ZDHHC14: variants seen among roughly 807,000 people sequenced by gnomAD.
ZDHHC14 encodes zDHHC palmitoyltransferase 14.
ZDHHC14 carries 16 observed loss-of-function variants against 47.7 expected under a neutral mutation model. The observed-to-expected ratio is 0.34, with a 90% confidence interval of 0.23 to 0.51. The LOEUF (loss-of-function observed/expected upper bound fraction) is 0.51. Among genes scored for constraint, ZDHHC14 ranks in the 20% least tolerant of loss-of-function variants. The pLI is 0.97. For synonymous variants in ZDHHC14, 293 were observed against 278.9 expected, an observed-to-expected ratio of 1.05 and a Z score of -0.50; for missense variants, 515 against 662.5, an observed-to-expected ratio of 0.78 and a Z score of 2.44.
At chr6:157,602,489 CA>C (rs552594669) in intron 3 of ZDHHC14, among the ~76,000 whole-genome samples, 405 of 60,592 alleles carry the variant, frequency 6.7e-3, no homozygotes, top group East Asian at 0.021. Flanking sequence ...GACTCCGTTT[CA>C]AAAAAAAAAA....
chr6:157,642,181 G>A (rs1282908125), intron 5 of ZDHHC14, among the ~76,000 whole-genome samples: 3 of 152,136 alleles, frequency 2.0e-5, no homozygotes, highest in Admixed American at 6.6e-5. Context: ...TCTGGAATCC[G>A]GGAATTCTGG....
intron 1 of ZDHHC14, among the ~76,000 whole-genome samples, chr6:157,540,908 G>GTATATATA (rs1200618040): frequency 2.4e-4 from 32 of 131,520 alleles, no homozygotes; most frequent in African/African-American, 1.1e-3. Context: ...GTGTGTGTGT[G>GTATATATA]TGTATATATA....
At chr6:157,482,512 C>T (rs1399432740) in intron 1 of ZDHHC14, among the ~76,000 whole-genome samples, 2 of 151,880 alleles carry the variant, frequency 1.3e-5, no homozygotes, top group African/African-American at 4.8e-5. Flanking sequence ...CCTTGGCCTC[C>T]GAAAGTGCTG....
intron 3 of ZDHHC14, among the ~76,000 whole-genome samples, chr6:157,606,230 C>A (rs1039619511): frequency 6.6e-6 from 1 of 151,978 alleles, no homozygotes; most frequent in Admixed American, 6.6e-5. Flanking sequence ...TTTGGGAGGC[C>A]GAGGTGGGTG....
intron 7 of ZDHHC14, among the ~76,000 whole-genome samples, chr6:157,651,938 G>T (rs1221831929): frequency 6.6e-6 from 1 of 152,128 alleles, no homozygotes; most frequent in African/African-American, 2.4e-5. Flanking sequence ...CCAACCCCAG[G>T]TCCCAGCCCC....
rs768087798 is a variant in ZDHHC14, at chr6:157,673,014, G to A, written c.1359G>A (p.Ala453=). The A allele has an allele frequency of 1.4e-5, 22 of 1,571,252 alleles. No individual in the cohort carries two copies. Among genetic ancestry groups the A allele is most frequent in the Middle Eastern group, 2.0e-4 (1 of 4,944 alleles). The change falls in exon 9 of 9, where the codon GCG becomes GCA. Residue 453 remains alanine (A), a synonymous_variant. Transcript: ENST00000359775. This position sits in a 1 kb window ranked among gnomAD's most constrained non-coding sequence, Gnocchi z 5.4. ...EAPSPPRLLA[A]GSPLAHSRTM... ...CCTCGCCCCCCAGGCTACTGGCGGC[G>A]GGCAGCCCCCTGGCGCACAGCCGCA...
chr6:157,423,981 C>A (rs545130101), intron 1 of ZDHHC14, among the ~76,000 whole-genome samples: 2 of 152,218 alleles, frequency 1.3e-5, no homozygotes, highest in African/African-American at 4.8e-5. Context: ...GCCTGGCAGG[C>A]GCTTGAGGTA....
chr6:157,515,441 CTTTCTT>C (rs1554262640), intron 1 of ZDHHC14, among the ~76,000 whole-genome samples: 4 of 148,058 alleles, frequency 2.7e-5, no homozygotes, highest in African/African-American at 7.5e-5. Context: ...CTTCATTTCT[CTTTCTT>C]TTTCTTTTTC....
At chr6:157,587,045 G>T (rs538746470) in intron 2 of ZDHHC14, among the ~76,000 whole-genome samples, 47 of 152,212 alleles carry the variant, frequency 3.1e-4, no homozygotes, top group Non-Finnish European at 5.1e-4. Context: ...TTGTAGTGTT[G>T]ATACGTTTGT....
At chr6:157,392,672 T>G (rs897395261) in intron 1 of ZDHHC14, among the ~76,000 whole-genome samples, 11 of 151,904 alleles carry the variant, frequency 7.2e-5, no homozygotes, top group African/African-American at 2.7e-4. Flanking sequence ...TGTGTGTGTG[T>G]GTTCATCCCC....
chr6:157,447,954 C>T (rs954701405), intron 1 of ZDHHC14, among the ~76,000 whole-genome samples: 6 of 152,094 alleles, frequency 3.9e-5, no homozygotes, highest in Admixed American at 2.6e-4. Context: ...TCACTGCAGC[C>T]TCAAACTCCT....
chr6:157,494,710 GA>G (rs1413910654), intron 1 of ZDHHC14, among the ~76,000 whole-genome samples: 11 of 152,146 alleles, frequency 7.2e-5, no homozygotes, highest in Admixed American at 6.5e-4. Flanking sequence ...AGCTTACAAG[GA>G]AATAAGTTTT....
At chr6:157,519,677 C>T (rs1780844533) in intron 1 of ZDHHC14, among the ~76,000 whole-genome samples, 3 of 152,212 alleles carry the variant, frequency 2.0e-5, no homozygotes, top group Admixed American at 2.0e-4. Context: ...CCCTCAAGAG[C>T]TGTGTGGTCC....
intron 1 of ZDHHC14, among the ~76,000 whole-genome samples, chr6:157,385,791 G>A (rs1777297829): frequency 6.6e-6 from 1 of 152,252 alleles, no homozygotes; most frequent in Non-Finnish European, 1.5e-5. Context: ...TAATTGTGCT[G>A]CTCCTCGTTC....
chr6:157,518,054 C>G (rs1327887482), intron 1 of ZDHHC14, among the ~76,000 whole-genome samples: 6 of 152,122 alleles, frequency 3.9e-5, no homozygotes, highest in Admixed American at 3.3e-4. Context: ...GCTGGCCACC[C>G]TGTTGGCATC....
At chr6:157,655,690 A>G (rs983127941) in intron 8 of ZDHHC14, among the ~76,000 whole-genome samples, 1 of 152,252 alleles carries the variant, frequency 6.6e-6, no homozygotes, top group African/African-American at 2.4e-5. Flanking sequence ...TGTGGGGTAC[A>G]GCTCATCCAC....
intron 3 of ZDHHC14, among the ~76,000 whole-genome samples, chr6:157,611,897 T>G (rs1488735213): frequency 2.6e-5 from 4 of 152,194 alleles, no homozygotes; most frequent in African/African-American, 7.2e-5. Context: ...TTGCTCCTTT[T>G]GCCTTCCGGA....
chr6:157,405,441 C>T (rs1229292941), intron 1 of ZDHHC14, among the ~76,000 whole-genome samples: 1 of 152,118 alleles, frequency 6.6e-6, no homozygotes, highest in African/African-American at 2.4e-5. Flanking sequence ...ACTGTGTTGG[C>T]CAGGATGGTC....
chr6:157,495,749 G>A (rs1173528976), intron 1 of ZDHHC14, among the ~76,000 whole-genome samples: 2 of 134,922 alleles, frequency 1.5e-5, no homozygotes, highest in African/African-American at 2.7e-5. Context: ...CTGTCACCCA[G>A]GCTGGAGTGC....
Sources: gnomAD v4.1 joint callset for allele counts (sites outside exome capture counted in the v4.1 genomes callset) on GRCh38, gnomAD v4.1.1 for gene constraint, Gnocchi (gnomAD v3.1) non-coding constraint, MANE v1.5 for transcripts, NCBI Gene and HGNC (gene_info 2026-07-23, HGNC 2026-07-21) for gene names.